PUM2: variants seen among roughly 807,000 people sequenced by gnomAD.
The protein encoded by PUM2 is pumilio homolog 2.
Under a neutral mutation model 124.5 loss-of-function variants are expected in PUM2, and 57 were observed. That is an observed-to-expected ratio of 0.46 (90% CI 0.37 to 0.57). The LOEUF (loss-of-function observed/expected upper bound fraction) is 0.57, where lower values mean the gene tolerates loss of function less well. PUM2 is among the 20% of genes least tolerant of loss of function. The pLI is 0.00. For synonymous variants in PUM2, 460 were observed against 446.1 expected, an observed-to-expected ratio of 1.03 and a Z score of -0.39; for missense variants, 1,065 against 1,290.6, an observed-to-expected ratio of 0.83 and a Z score of 2.68.
At chr2:20,260,516 A>T in intron 14 of PUM2, 50 bp from the exon 15 acceptor site, 3 of 1,475,768 alleles carry the variant, frequency 2.0e-6, no homozygotes, top group Non-Finnish European at 2.8e-6. Flanking sequence ...AATACACTTG[A>T]GTATTACACC....
At chr2:20,306,234 C>CA (rs1558602796) in intron 7 of PUM2, among the ~76,000 whole-genome samples, 1 of 151,768 alleles carries the variant, frequency 6.6e-6, no homozygotes, top group Non-Finnish European at 1.5e-5. Context: ...ACAATAACAA[C>CA]AAAAAAAACC....
At chr2:20,283,537 A>G (rs768963660) in intron 10 of PUM2, 51 bp from the exon 11 acceptor site, 8 of 1,538,550 alleles carry the variant, frequency 5.2e-6, no homozygotes, top group South Asian at 4.7e-5. Flanking sequence ...AAAAACATGC[A>G]TATTTGTTTT....
intron 19 of PUM2, among the ~76,000 whole-genome samples, chr2:20,254,231 G>A (rs754842440): frequency 1.3e-5 from 2 of 151,516 alleles, no homozygotes; most frequent in Non-Finnish European, 2.9e-5. Context: ...TGCTATCACC[G>A]CTCACTGCAG....
intron 17 of PUM2, 45 bp from the exon 18 acceptor site, chr2:20,255,386 T>C (rs982955163): frequency 1.1e-5 from 17 of 1,585,428 alleles, no homozygotes; most frequent in Non-Finnish European, 1.4e-5. Context: ...TCTGACATTT[T>C]TGAACAGTTC....
At chr2:20,306,305 T>A (rs1354743416) in intron 7 of PUM2, among the ~76,000 whole-genome samples, 2 of 152,174 alleles carry the variant, frequency 1.3e-5, no homozygotes, top group Non-Finnish European at 2.9e-5. Flanking sequence ...TTTAATCCTA[T>A]CTTCTGGAAG....
chr2:20,310,519 A>G (rs1465294629), intron 5 of PUM2, among the ~76,000 whole-genome samples: 1 of 152,080 alleles, frequency 6.6e-6, no homozygotes, highest in East Asian at 1.9e-4. Flanking sequence ...ATTAGGTAAT[A>G]GTGAAGAACA....
intron 3 of PUM2, among the ~76,000 whole-genome samples, chr2:20,315,443 T>C (rs1448263111): frequency 6.6e-6 from 1 of 152,160 alleles, no homozygotes; most frequent in Non-Finnish European, 1.5e-5. Flanking sequence ...GTGTCTGGCA[T>C]TCAATAAATG....
intron 1 of PUM2, among the ~76,000 whole-genome samples, chr2:20,337,950 T>A (rs2149027794): frequency 6.6e-6 from 1 of 152,264 alleles, no homozygotes; most frequent in Middle Eastern, 3.4e-3. Flanking sequence ...ACTGCATCAT[T>A]ACTTTGCAAA....
At chr2:20,261,444 A>G (rs1465330116) in intron 14 of PUM2, among the ~76,000 whole-genome samples, 1 of 145,498 alleles carries the variant, frequency 6.9e-6, no homozygotes, top group African/African-American at 2.6e-5. Flanking sequence ...ATAATTGTGT[A>G]CGGTATCTGA....
intron 1 of PUM2, among the ~76,000 whole-genome samples, chr2:20,349,134 A>G (rs1688816406): frequency 6.6e-6 from 1 of 152,238 alleles, no homozygotes; most frequent in Non-Finnish European, 1.5e-5. Context: ...AACACCTAAG[A>G]GAACTTTGGA....
At chr2:20,328,476 A>C (rs1407800156) in intron 1 of PUM2, among the ~76,000 whole-genome samples, 1 of 152,212 alleles carries the variant, frequency 6.6e-6, no homozygotes, top group Non-Finnish European at 1.5e-5. Flanking sequence ...GGAAAATGTG[A>C]CCTAAAGGAA....
At chr2:20,263,682 GTATT>G (rs576213343) in intron 13 of PUM2, among the ~76,000 whole-genome samples, 27 of 152,230 alleles carry the variant, frequency 1.8e-4, no homozygotes, top group African/African-American at 2.6e-4. Flanking sequence ...AAATAAGTGT[GTATT>G]TATTCTTCAG....
At chr2:20,300,607 G>A (rs1482693004) in intron 7 of PUM2, among the ~76,000 whole-genome samples, 2 of 152,112 alleles carry the variant, frequency 1.3e-5, no homozygotes, top group African/African-American at 2.4e-5. Flanking sequence ...CATTCGTTGA[G>A]TCCTGTTTTT....
chr2:20,251,029 G>A lies in PUM2; in HGVS notation c.*556C>T, dbSNP rs996415936. The A allele has an allele frequency of 6.6e-6, 1 of 152,540 alleles. No homozygotes were observed. The highest frequency in any genetic ancestry group is 2.4e-5 in the African/African-American group (1 of 41,442). The allele number at this position is 152,540 out of a possible 1,614,324, so 9.4% of individuals were successfully genotyped here. On this transcript the variant is annotated 3_prime_UTR_variant, in exon 21 of 21. Coordinates refer to ENST00000361078, the MANE Select transcript of PUM2 (RefSeq NM_015317.5). Reference sequence around the variant, plus strand: ...TTGTCTACTTACTCGTTATTTGCATGATAGTTTGTGAATTATCAAAATACA... The same window carrying A: ...TTGTCTACTTACTCGTTATTTGCATAATAGTTTGTGAATTATCAAAATACA...
rs923276841 is a variant in PUM2, at chr2:20,251,513, G to A, written c.*72C>T. On this transcript the variant is annotated 3_prime_UTR_variant, in exon 21 of 21. Coordinates refer to ENST00000361078, the MANE Select transcript of PUM2 (RefSeq NM_015317.5). ...AATTGAAGATTCATAGTTGAGTTGT[G>A]TTTTGATAATTCACACACAAAAAAA... is the stretch of plus-strand genomic sequence containing the variant. 5.4e-6 allele frequency: 8 copies of A among 1,483,900 alleles called. No individual in the cohort carries two copies. The highest frequency in any genetic ancestry group is 1.4e-5 in the African/African-American group (1 of 71,054). 91.9% of individuals were successfully genotyped at this position (1,483,900 alleles called of 1,614,324 possible). A position where few individuals can be genotyped will look rare whatever the true frequency, so the allele number is the denominator to read the frequency against.
chr2:20,283,111 T>C lies in PUM2; in HGVS notation c.1556A>G (p.Gln519Arg). 1 of 1,614,146 alleles carries C rather than the reference T, an allele frequency of 6.2e-7. No individual in the cohort carries two copies. Among genetic ancestry groups the C allele is most frequent in the Non-Finnish European group, 8.5e-7 (1 of 1,180,028 alleles). The change falls in exon 12 of 21, where the codon CAA becomes CGA. Residue 519 changes from glutamine to arginine, a missense_variant. Gln to Arg is a conservative substitution (Grantham distance 43). Around this residue, in one of 3 missense-constraint regions of PUM2, gnomAD observed 968 missense variants for 1,159.8 expected, o/e 0.83. Transcript: ENST00000361078. ...ACTGCTTCCATAAAATGAATTAGATTGCAGATTAGTGCTTGGCTGCTGTTG... is the reference window on the plus strand; with the variant it reads ...ACTGCTTCCATAAAATGAATTAGATCGCAGATTAGTGCTTGGCTGCTGTTG... ...QQQQQPSTNL[Q>R]SNSFYGSSSL...
intron 1 of PUM2, among the ~76,000 whole-genome samples, chr2:20,348,380 C>A (rs937253518): frequency 2.6e-5 from 4 of 152,038 alleles, no homozygotes; most frequent in Non-Finnish European, 5.9e-5. Flanking sequence ...TGAAAAAATA[C>A]AAGTATTTCC....
chr2:20,340,080 T>C (rs562119454), intron 1 of PUM2, among the ~76,000 whole-genome samples: 2 of 152,334 alleles, frequency 1.3e-5, no homozygotes, highest in African/African-American at 2.4e-5. Flanking sequence ...TATATATTTC[T>C]AGCTTTCAAA....
intron 10 of PUM2, among the ~76,000 whole-genome samples, chr2:20,290,019 T>C (rs1217368778): frequency 6.6e-6 from 1 of 152,192 alleles, no homozygotes; most frequent in Admixed American, 6.5e-5. Context: ...TTTTTTTTAC[T>C]TAGAAAACAA....
Sources: allele counts gnomAD v4.1 joint callset (sites outside exome capture counted in the v4.1 genomes callset), GRCh38; gene constraint gnomAD v4.1.1; regional missense constraint gnomAD v4.1.1; transcripts MANE v1.5; gene names NCBI Gene and HGNC (gene_info 2026-07-23, HGNC 2026-07-21).